The following PLS3 variants were observed in gnomAD, a reference collection of about 807,000 sequenced individuals.
PLS3 encodes the protein plastin 3.
PLS3 carries 11 observed loss-of-function variants against 46.5 expected under a neutral mutation model. The observed-to-expected ratio is 0.24, with a 90% CI of 0.15 to 0.39. The LOEUF (loss-of-function observed/expected upper bound fraction) is 0.39, where lower values mean the gene tolerates loss of function less well. Among genes scored for constraint, PLS3 ranks in the 10% least tolerant of loss-of-function variants. The pLI, the probability that PLS3 is intolerant of heterozygous loss-of-function variation, is 1.00. For missense variants in PLS3, 308 were observed against 461.8 expected (o/e 0.67, Z 3.05); for synonymous variants, 167 against 162.2 (o/e 1.03, Z -0.22).
chrX:115,598,333 G>T (rs781836038), intron 1 of PLS3, among the ~76,000 whole-genome samples: 2 of 107,039 alleles, frequency 1.9e-5, no homozygotes, highest in East Asian at 2.9e-4. Flanking sequence ...AGCAATTTTT[G>T]ATAATGCTGA....
At chrX:115,590,974 T>C (rs2074341160) in intron 1 of PLS3, among the ~76,000 whole-genome samples, 1 of 108,203 alleles carries the variant, frequency 9.2e-6, no homozygotes, top group African/African-American at 3.4e-5. Context: ...CCGTCTCTAC[T>C]AAAAATACAA....
Position 115,646,551 on chromosome X carries a change from T to C in PLS3, c.1511+16T>C, listed in dbSNP as rs781815441. ...TGATGAGAAGGTATAGTACACAATTTTAGCTGTTTAGTCTTTACTATCATA... is the reference window on the plus strand; with the variant it reads ...TGATGAGAAGGTATAGTACACAATTCTAGCTGTTTAGTCTTTACTATCATA... On this transcript the variant is annotated intron_variant, in intron 13 of 15. Coordinates refer to ENST00000355899, the MANE Select transcript of PLS3 (RefSeq NM_005032.7). 78 of 1,197,149 alleles carry C rather than the reference T, an allele frequency of 6.5e-5. No individual in the cohort carries two copies. Among genetic ancestry groups the C allele is most frequent in the Non-Finnish European group, 8.6e-5 (76 of 885,888 alleles).
In PLS3 at chrX:115,629,281, T is replaced by A. The variant is rs140121121; in HGVS notation, c.321T>A (p.Gly107=). 0.016 allele frequency: 19,507 copies of A among 1,204,373 alleles called. 145 individuals are homozygous for A. Among genetic ancestry groups the A allele is most frequent in the Non-Finnish European group, 0.018 (15,831 of 890,803 alleles). The change falls in exon 4 of 16, where the codon GGT becomes GGA. Residue 107 remains glycine, a synonymous_variant. Coordinates refer to ENST00000355899, the MANE Select transcript of PLS3 (RefSeq NM_005032.7). ...GGAAAGAAGGTATTTGTGCTCTGGG[T>A]GGAACTTCAGAGTTGTCCAGCGAAG... is the stretch of plus-strand genomic sequence containing the variant. ...INRKEGICAL[G]GTSELSSEGT... is the part of the protein sequence containing the mutation.
intron 2 of PLS3, among the ~76,000 whole-genome samples, chrX:115,619,718 T>C (rs1451378329): frequency 8.9e-6 from 1 of 112,440 alleles, no homozygotes; most frequent in Non-Finnish European, 1.9e-5. Flanking sequence ...AGTACAGATA[T>C]TTTAATTAGC....
intron 7 of PLS3, among the ~76,000 whole-genome samples, chrX:115,636,257 A>C (rs1556640212): frequency 1.1e-5 from 1 of 89,178 alleles, no homozygotes. Flanking sequence ...CCCAGGCTGG[A>C]GTGCAGTGGT....
chrX:115,643,723 C>A (rs1455190658), intron 10 of PLS3, among the ~76,000 whole-genome samples: 1 of 112,078 alleles, frequency 8.9e-6, no homozygotes, highest in Non-Finnish European at 1.9e-5. Context: ...GTAATCCCAG[C>A]ACTTTGGGAG....
At chrX:115,638,302 G>A (rs1388934040) in intron 8 of PLS3, among the ~76,000 whole-genome samples, 5 of 111,483 alleles carry the variant, frequency 4.5e-5, no homozygotes, top group African/African-American at 1.3e-4. Context: ...GGAGAGACAG[G>A]GTTTCACCAT....
intron 1 of PLS3, among the ~76,000 whole-genome samples, chrX:115,567,898 T>C (rs781847928): frequency 9.0e-6 from 1 of 110,528 alleles, no homozygotes; most frequent in South Asian, 3.8e-4. Context: ...AAGTTTTTAC[T>C]TTCTGTAAAA....
intron 1 of PLS3, among the ~76,000 whole-genome samples, chrX:115,575,955 G>C (rs2074246172): frequency 9.0e-6 from 1 of 111,628 alleles, no homozygotes; most frequent in Non-Finnish European, 1.9e-5. Flanking sequence ...AGGAGCAAAG[G>C]CAAGCAGTAT....
intron 3 of PLS3, among the ~76,000 whole-genome samples, chrX:115,625,376 T>G (rs1271877308): frequency 1.8e-5 from 2 of 110,426 alleles, no homozygotes; most frequent in Non-Finnish European, 3.8e-5. Flanking sequence ...TATGTAAACT[T>G]TAAAGGTGAA....
At chrX:115,595,734 G>A (rs2147452546) in intron 1 of PLS3, among the ~76,000 whole-genome samples, 1 of 92,551 alleles carries the variant, frequency 1.1e-5, no homozygotes, top group East Asian at 3.3e-4. Context: ...CTGTTGCCCA[G>A]GCTGGAGTGC....
At chrX:115,645,172 G>A in intron 11 of PLS3, 73 bp downstream of exon 11, 1 of 616,478 alleles carries the variant, frequency 1.6e-6, no homozygotes, top group Middle Eastern at 3.2e-4. Context: ...CAGCTCTAAA[G>A]ATTTTCTAGA....
chrX:115,582,324 A>T (rs1556631915), intron 1 of PLS3, among the ~76,000 whole-genome samples: 5 of 111,875 alleles, frequency 4.5e-5, no homozygotes, highest in African/African-American at 1.6e-4. Context: ...AAGCTTTTTG[A>T]CTTGTGGCAG....
intron 1 of PLS3, among the ~76,000 whole-genome samples, chrX:115,595,789 A>T (rs151132588): frequency 0.03 from 3,122 of 105,630 alleles, 137 homozygotes; most frequent in African/African-American, 0.1. Flanking sequence ...CCCGGGTTCA[A>T]GCAGCTCTCC....
In PLS3 at chrX:115,629,069, A is replaced by C. The variant is rs2074739027; in HGVS notation, c.238-129A>C. 3 of 473,116 alleles carry C rather than the reference A, an allele frequency of 6.3e-6. No homozygotes were observed. In the South Asian group the frequency reaches 1.2e-4, roughly 19 times the overall value. 39.0% of individuals were successfully genotyped at this position (473,116 alleles called of 1,213,427 possible). The stretch of plus-strand genomic sequence containing the variant: ...TTTAGCATTTCAAAAACTCAAGCCC[A>C]GTTTTTTGTATCTTTTAACATCAGC... On this transcript the variant is annotated intron_variant, in intron 3 of 15. Transcript: ENST00000355899.
chrX:115,646,392 GC>G lies in PLS3; in HGVS notation c.1378-8del. 3 of 1,207,121 alleles carry G rather than the reference GC, an allele frequency of 2.5e-6. No individual in the cohort carries two copies. ...GAAGTCTTTAACCATTTACTCTTGT[GC>G]CTTTGCAGCTAGAAAACTGCAACTA... On this transcript the variant is annotated splice_polypyrimidine_tract_variant and intron_variant, in intron 12 of 15. Transcript: ENST00000355899.
intron 1 of PLS3, among the ~76,000 whole-genome samples, chrX:115,577,401 T>C (rs781938691): frequency 8.9e-6 from 1 of 111,946 alleles, no homozygotes; most frequent in East Asian, 2.8e-4. Context: ...GTTTCCTATA[T>C]TGTATGTAAT....
intron 7 of PLS3, among the ~76,000 whole-genome samples, chrX:115,635,652 A>G (rs1252680347): frequency 1.3e-5 from 1 of 79,141 alleles, no homozygotes; most frequent in Non-Finnish European, 2.1e-5. Context: ...CTCTGTCTCA[A>G]AAAAAAAAAA....
rs2074949429 is a variant in PLS3 at position 115,646,187 on chromosome X, G to C, written c.1377+1G>C. On this transcript the variant is annotated splice_donor_variant, in intron 12 of 15. Coordinates refer to ENST00000355899, the MANE Select transcript of PLS3 (RefSeq NM_005032.7). LOFTEE classifies it high-confidence loss of function. Reference sequence around the variant, plus strand: ...GAAACTGGGAGCCAACATGAAAAAGGTAGATAATTAAGTTGCTGTATATAT... The same window carrying C: ...GAAACTGGGAGCCAACATGAAAAAGCTAGATAATTAAGTTGCTGTATATAT... 1 of 1,044,391 alleles carries C rather than the reference G, an allele frequency of 9.6e-7. No individual in the cohort carries two copies. The highest frequency in any genetic ancestry group is 1.3e-6 in the Non-Finnish European group (1 of 750,198). 86.1% of individuals were successfully genotyped at this position (1,044,391 alleles called of 1,213,427 possible). A position where few individuals can be genotyped will look rare whatever the true frequency, so the allele number is the denominator to read the frequency against.
Sources: allele counts gnomAD v4.1 joint callset (sites outside exome capture counted in the v4.1 genomes callset), GRCh38; gene constraint gnomAD v4.1.1; transcripts MANE v1.5; gene names NCBI Gene and HGNC (gene_info 2026-07-23, HGNC 2026-07-21).